Variants in CTNNA3 observed in about 807,000 individuals in gnomAD.
CTNNA3 encodes the protein catenin alpha-3.
Under a neutral mutation model 95.7 loss-of-function variants are expected in CTNNA3, and 76 were observed. The observed-to-expected ratio is 0.79, with a 90% CI of 0.66 to 0.96. The LOEUF (loss-of-function observed/expected upper bound fraction) is 0.96. Ranked by LOEUF, CTNNA3 falls within the 40% of genes least tolerant of loss-of-function variation. CTNNA3 has a pLI of 0.00. For synonymous variants in CTNNA3, 431 were observed against 374.4 expected (o/e 1.15, Z -1.74); for missense variants, 1,191 against 1,089.8 (o/e 1.09, Z -1.31).
At chr10:65,953,084 CAT>C (rs2060348341) in intron 17 of CTNNA3, among the ~76,000 whole-genome samples, 1 of 152,086 alleles carries the variant, frequency 6.6e-6, no homozygotes, top group Admixed American at 6.6e-5. Context: ...TTTCCTTTTT[CAT>C]ATATACAGGC....
intron 7 of CTNNA3, among the ~76,000 whole-genome samples, chr10:66,887,564 A>T (rs866320847): frequency 6.6e-6 from 1 of 151,848 alleles, no homozygotes; most frequent in Non-Finnish European, 1.5e-5. Context: ...TTAACAATTC[A>T]TCAGGGCCAA....
intron 5 of CTNNA3, among the ~76,000 whole-genome samples, chr10:67,315,197 C>T (rs1840990590): frequency 6.6e-6 from 1 of 152,198 alleles, no homozygotes; most frequent in African/African-American, 2.4e-5. Flanking sequence ...CCCAACCTCT[C>T]TATCACTCAG....
chr10:66,195,633 C>A (rs563396136), intron 13 of CTNNA3, among the ~76,000 whole-genome samples: 98 of 152,126 alleles, frequency 6.4e-4, no homozygotes, highest in Non-Finnish European at 1.3e-3. Context: ...TTGGGCAAGT[C>A]TTTGAATGCA....
At chr10:67,036,711 G>C (rs1854085632) in intron 7 of CTNNA3, among the ~76,000 whole-genome samples, 1 of 152,092 alleles carries the variant, frequency 6.6e-6, no homozygotes, top group Non-Finnish European at 1.5e-5. Flanking sequence ...TCGAGGCTGT[G>C]CCCATTCATT....
intron 7 of CTNNA3, among the ~76,000 whole-genome samples, chr10:66,828,003 T>C (rs1388152583): frequency 6.6e-6 from 1 of 152,156 alleles, no homozygotes; most frequent in Non-Finnish European, 1.5e-5. Flanking sequence ...CTGTCATCCT[T>C]ATAAGAATAA....
At chr10:67,429,859 A>G (rs1273640952) in intron 5 of CTNNA3, among the ~76,000 whole-genome samples, 2 of 151,962 alleles carry the variant, frequency 1.3e-5, no homozygotes, top group Admixed American at 6.6e-5. Context: ...ATTTGGATGC[A>G]CATGTTTTTT....
chr10:67,176,765 G>T (rs1194699862), intron 7 of CTNNA3: 3 of 370,608 alleles, frequency 8.1e-6, no homozygotes, highest in Non-Finnish European at 1.6e-5. Context: ...TGTGGTCAGA[G>T]AAAGAGATGT....
intron 9 of CTNNA3, among the ~76,000 whole-genome samples, chr10:66,717,693 C>G (rs915197758): frequency 8.5e-5 from 13 of 152,150 alleles, no homozygotes; most frequent in Non-Finnish European, 1.3e-4. Context: ...TGGTACTCAT[C>G]CAGCTTTGCC....
chr10:67,604,973 T>A (rs1843214092), intron 3 of CTNNA3, among the ~76,000 whole-genome samples: 1 of 152,208 alleles, frequency 6.6e-6, no homozygotes, highest in Non-Finnish European at 1.5e-5. Flanking sequence ...TGGAAAACAG[T>A]ATGGAGGTTC....
chr10:66,989,382 T>A (rs1281231818), intron 7 of CTNNA3, among the ~76,000 whole-genome samples: 1 of 152,190 alleles, frequency 6.6e-6, no homozygotes, highest in Non-Finnish European at 1.5e-5. Flanking sequence ...AAAATATTGT[T>A]CCAAAATCTT....
chr10:67,532,881 C>A (rs1413292151), intron 4 of CTNNA3, among the ~76,000 whole-genome samples: 1 of 152,126 alleles, frequency 6.6e-6, no homozygotes, highest in Non-Finnish European at 1.5e-5. Context: ...TTAACTTTCC[C>A]AAAATCACCC....
At chr10:66,528,843 T>C (rs1003778551) in intron 10 of CTNNA3, among the ~76,000 whole-genome samples, 3 of 152,096 alleles carry the variant, frequency 2.0e-5, no homozygotes, top group Admixed American at 6.6e-5. Context: ...GAAAGTGACA[T>C]TACAAAATAA....
intron 9 of CTNNA3, among the ~76,000 whole-genome samples, chr10:66,745,909 C>T (rs1466842723): frequency 6.6e-6 from 1 of 151,960 alleles, no homozygotes; most frequent in Non-Finnish European, 1.5e-5. Flanking sequence ...CACAGACAGC[C>T]ATTATTTTAA....
At chr10:65,979,365 C>T (rs189168690) in intron 16 of CTNNA3, among the ~76,000 whole-genome samples, 1 of 152,178 alleles carries the variant, frequency 6.6e-6, no homozygotes, top group East Asian at 1.9e-4. Context: ...AAATGAGTGT[C>T]CTATGTAATA....
At chr10:66,556,778 T>C (rs1201026751) in intron 10 of CTNNA3, among the ~76,000 whole-genome samples, 4 of 152,112 alleles carry the variant, frequency 2.6e-5, no homozygotes, top group Non-Finnish European at 4.4e-5. Flanking sequence ...TTATATAAGA[T>C]GAATAGGTCT....
At chr10:67,737,587 G>A (rs367644607) in intron 1 of CTNNA3, among the ~76,000 whole-genome samples, 3 of 152,090 alleles carry the variant, frequency 2.0e-5, no homozygotes, top group South Asian at 2.1e-4. Context: ...ATCAAAAAGT[G>A]GGCAAAGGAT....
intron 15 of CTNNA3, among the ~76,000 whole-genome samples, chr10:66,048,509 C>A (rs1185613162): frequency 6.6e-6 from 1 of 152,038 alleles, no homozygotes; most frequent in Non-Finnish European, 1.5e-5. Flanking sequence ...GCCTATAATC[C>A]CAGCACTTTG....
intron 11 of CTNNA3, among the ~76,000 whole-genome samples, chr10:66,413,995 T>A (rs1323414510): frequency 6.6e-6 from 1 of 152,240 alleles, no homozygotes; most frequent in Non-Finnish European, 1.5e-5. Context: ...CTACTTGATA[T>A]AATCAGTCCA....
intron 7 of CTNNA3, among the ~76,000 whole-genome samples, chr10:66,860,386 A>C (rs991583216): frequency 6.6e-6 from 1 of 152,174 alleles, no homozygotes; most frequent in African/African-American, 2.4e-5. Context: ...GTTTATTTCC[A>C]ACATGGAGGC....
Sources: allele counts gnomAD v4.1 joint callset (sites outside exome capture counted in the v4.1 genomes callset), GRCh38; gene constraint gnomAD v4.1.1; transcripts MANE v1.5; gene names NCBI Gene and HGNC (gene_info 2026-07-23, HGNC 2026-07-21).